The following ECT2L variants were observed in gnomAD, a reference collection of about 807,000 sequenced individuals.
ECT2L encodes the protein epithelial cell-transforming sequence 2 oncogene-like.
Under a neutral mutation model 122.8 loss-of-function variants are expected in ECT2L, and 126 were observed. The observed-to-expected ratio is 1.03, with a 90% CI of 0.89 to 1.19. The LOEUF (loss-of-function observed/expected upper bound fraction) is 1.19. ECT2L is among the 50% of genes most tolerant of loss of function. The pLI is 0.00. For synonymous variants in ECT2L, 385 were observed against 381.8 expected (o/e 1.01, Z -0.10); for missense variants, 1,012 against 1,064.1 (o/e 0.95, Z 0.68).
intron 4 of ECT2L, among the ~76,000 whole-genome samples, chr6:138,825,713 G>A (rs913260707): frequency 2.6e-5 from 4 of 152,110 alleles, no homozygotes; most frequent in Non-Finnish European, 5.9e-5. Flanking sequence ...ATATGGATCC[G>A]ATTAGACCAA....
chr6:138,843,531 G>A (rs1030012729), intron 6 of ECT2L, among the ~76,000 whole-genome samples: 2 of 152,054 alleles, frequency 1.3e-5, no homozygotes, highest in South Asian at 4.1e-4. Context: ...GGGGAAAAAA[G>A]CAAACAAATA....
intron 10 of ECT2L, among the ~76,000 whole-genome samples, chr6:138,861,942 G>A (rs1199578111): frequency 6.6e-6 from 1 of 152,038 alleles, no homozygotes; most frequent in African/African-American, 2.4e-5. Flanking sequence ...TTTGGGCTGG[G>A]TATTCCAAAT....
chr6:138,863,509 C>T (rs1354614707), intron 11 of ECT2L, among the ~76,000 whole-genome samples: 1 of 152,164 alleles, frequency 6.6e-6, no homozygotes, highest in Non-Finnish European at 1.5e-5. Context: ...AATATAGCAG[C>T]GTCACCAAAC....
rs374130272 is a variant in ECT2L, at chr6:138,814,414, G to A, written c.67-77G>A. The A allele has an allele frequency of 7.2e-5, 62 of 855,996 alleles. 3 individuals are homozygous for A. In the African/African-American group the frequency reaches 9.4e-4, roughly 13 times the overall value. The allele number at this position is 855,996 out of a possible 1,614,324, so 53.0% of individuals were successfully genotyped here. Reference sequence around the variant, plus strand: ...AATATTAGCTGTGAGGTTGCTGGTAGATTGTCTAAAGATTGCTTAGCAATT... The same window carrying A: ...AATATTAGCTGTGAGGTTGCTGGTAAATTGTCTAAAGATTGCTTAGCAATT... On this transcript the variant is annotated intron_variant, in intron 3 of 21. Transcript: ENST00000541398.
intron 14 of ECT2L, 87 bp downstream of exon 14, chr6:138,876,645 C>T: frequency 1.3e-6 from 1 of 768,510 alleles, no homozygotes. Context: ...TCTTCATTTT[C>T]CTTGAAAATT....
At chr6:138,898,194 CCT>C (rs1395705677) in intron 20 of ECT2L, among the ~76,000 whole-genome samples, 1 of 152,226 alleles carries the variant, frequency 6.6e-6, no homozygotes, top group Non-Finnish European at 1.5e-5. Context: ...TTTCTTGCTT[CCT>C]CTCTCCCTCA....
At chr6:138,853,716 T>C (rs952348871) in intron 9 of ECT2L, among the ~76,000 whole-genome samples, 1 of 152,218 alleles carries the variant, frequency 6.6e-6, no homozygotes, top group African/African-American at 2.4e-5. Flanking sequence ...GGTTGCAAAA[T>C]CCCAGGACTT....
intron 1 of ECT2L, among the ~76,000 whole-genome samples, chr6:138,807,288 C>T (rs1775744913): frequency 6.6e-6 from 1 of 152,090 alleles, no homozygotes; most frequent in Non-Finnish European, 1.5e-5. Flanking sequence ...TATTCTTTAT[C>T]ACTAAAATTT....
At position 138,896,016 on chromosome 6, in the gene ECT2L, A is replaced by G. The variant is rs144752592; in HGVS notation, c.2415-4932A>G. Among the ~76,000 whole-genome samples, 167 of 152,082 alleles carry G rather than the reference A, an allele frequency of 1.1e-3. No individual in the cohort carries two copies. The East Asian group carries it at 0.031, about 29-fold the overall frequency. On this transcript the variant is annotated intron_variant, in intron 20 of 21. Coordinates refer to ENST00000541398, the MANE Select transcript of ECT2L (RefSeq NM_001077706.3). ...ATGGACCATTATTTTGGGTATGTTA[A>G]GCTTTTAGAATATATTTTGTACCTT... is the stretch of plus-strand genomic sequence containing the variant.
chr6:138,881,201 A>G (rs752660175), intron 15 of ECT2L, 30 bp downstream of exon 15: 1 of 1,590,170 alleles, frequency 6.3e-7, no homozygotes. Context: ...TTTTTTTAAT[A>G]TTCATTGTGC....
At chr6:138,850,032 T>C (rs1777379109) in intron 9 of ECT2L, among the ~76,000 whole-genome samples, 1 of 152,184 alleles carries the variant, frequency 6.6e-6, no homozygotes, top group South Asian at 2.1e-4. Context: ...AAAAAACTTC[T>C]CTTTTCTCCT....
Position 138,868,195 on chromosome 6 carries a change from A to G in ECT2L, c.1567A>G (p.Lys523Glu). ...ALADGLMELS[K>E]EDSERNVVED... ...GGCAGATGGATTGATGGAGTTGTCA[A>G]AAGAAGATTCTGTAAGTGTTTCTTT... The change falls in exon 13 of 22, where the codon AAA becomes GAA. Residue 523 changes from lysine (K) to glutamate (E), a missense_variant. Transcript: ENST00000541398. 6.2e-7 allele frequency: 1 copy of G among 1,612,200 alleles called. No individual in the cohort carries two copies. Among genetic ancestry groups the G allele is most frequent in the Admixed American group, 1.7e-5 (1 of 59,690 alleles).
At position 138,846,964 on chromosome 6, in the gene ECT2L, T is replaced by TTA. The variant is rs1305633427; in HGVS notation, c.903+287_903+288insTA. Among the ~76,000 whole-genome samples the TTA allele has an allele frequency of 3.3e-3, 241 of 73,110 alleles. 1 individual carries two copies. Among genetic ancestry groups the TTA allele is most frequent in the African/African-American group, 0.012 (229 of 18,694 alleles). 48.0% of individuals were successfully genotyped at this position (73,110 alleles called of 152,430 possible). On this transcript the variant is annotated intron_variant, in intron 8 of 21. Coordinates refer to ENST00000541398, the MANE Select transcript of ECT2L (RefSeq NM_001077706.3). ...GCAACAGAGTGAGACTCTGTTTCTATAAAAAAAAAAAAAAAAAAAAAGGCC... is the reference window on the plus strand; with the variant it reads ...GCAACAGAGTGAGACTCTGTTTCTATTAAAAAAAAAAAAAAAAAAAAAAGGCC...
intron 8 of ECT2L, among the ~76,000 whole-genome samples, chr6:138,848,788 G>C (rs936863964): frequency 5.9e-5 from 9 of 151,934 alleles, no homozygotes; most frequent in Admixed American, 5.2e-4. Flanking sequence ...ATAATTGCTG[G>C]GACTACAGCT....
rs1778626594 is a variant in ECT2L, at chr6:138,881,016, AC to A, written c.1726del (p.Gln576ArgfsTer13). 6.2e-7 allele frequency: 1 copy of A among 1,614,082 alleles called. No homozygotes were observed. The highest frequency in any genetic ancestry group is 1.3e-5 in the African/African-American group (1 of 74,944). On this transcript the variant is annotated frameshift_variant, in exon 15 of 22. Coordinates refer to ENST00000541398, the MANE Select transcript of ECT2L (RefSeq NM_001077706.3). LOFTEE classifies it high-confidence loss of function. ...GAGCTAGAGTTGTCAGAGAACTCTTACAGAGTGAGAGAAAATACGTGCAGAT... is the reference window on the plus strand; with the variant it reads ...GAGCTAGAGTTGTCAGAGAACTCTTAAGAGTGAGAGAAAATACGTGCAGAT... ...KRARVVRELL[Q>X]SERKYVQILE... is the part of the protein sequence containing the mutation.
At chr6:138,836,734 A>G (rs982207139) in intron 4 of ECT2L, among the ~76,000 whole-genome samples, 2 of 152,070 alleles carry the variant, frequency 1.3e-5, no homozygotes, top group African/African-American at 2.4e-5. Flanking sequence ...GTATATTTAT[A>G]TCAGTATGGA....
At chr6:138,800,925 G>A (rs914543948) in intron 1 of ECT2L, among the ~76,000 whole-genome samples, 1 of 151,860 alleles carries the variant, frequency 6.6e-6, no homozygotes, top group Non-Finnish European at 1.5e-5. Flanking sequence ...CTTCCAAGAC[G>A]ATGCCTTGTT....
At position 138,880,880 on chromosome 6, in the gene ECT2L, G is replaced by A; in HGVS notation, c.1666-77G>A. 2.3e-6 allele frequency: 3 copies of A among 1,302,940 alleles called. 1 individual carries two copies. Among genetic ancestry groups the A allele is most frequent in the South Asian group, 2.6e-5 (2 of 78,122 alleles). The allele number at this position is 1,302,940 out of a possible 1,614,324, so 80.7% of individuals were successfully genotyped here. A position where few individuals can be genotyped will look rare whatever the true frequency, so the allele number is the denominator to read the frequency against. On this transcript the variant is annotated intron_variant, in intron 14 of 21. Coordinates refer to ENST00000541398, the MANE Select transcript of ECT2L (RefSeq NM_001077706.3). ...TGAACAGCACAAACCAGCAAGGGGGGTCTCCGTGTAGCTGCCTGACTGCTC... is the reference window on the plus strand; with the variant it reads ...TGAACAGCACAAACCAGCAAGGGGGATCTCCGTGTAGCTGCCTGACTGCTC...
At chr6:138,838,055 C>G (rs1378657734) in intron 4 of ECT2L, among the ~76,000 whole-genome samples, 1 of 152,056 alleles carries the variant, frequency 6.6e-6, no homozygotes, top group African/African-American at 2.4e-5. Flanking sequence ...CACGCACCAC[C>G]ATACTCAGCT....
Sources: gnomAD v4.1 joint callset for allele counts (sites outside exome capture counted in the v4.1 genomes callset) on GRCh38, gnomAD v4.1.1 for gene constraint, MANE v1.5 for transcripts, NCBI Gene and HGNC (gene_info 2026-07-23, HGNC 2026-07-21) for gene names.